Variants in KCNQ4 observed in about 807,000 individuals in gnomAD.
KCNQ4 encodes potassium voltage-gated channel subfamily Q member 4.
In KCNQ4, 31 loss-of-function variants were observed where a neutral mutation model predicts 72.6. That is an observed-to-expected ratio of 0.43 (90% confidence interval 0.32 to 0.58). KCNQ4 has a LOEUF of 0.58. Ranked by LOEUF, KCNQ4 falls within the 20% of genes least tolerant of loss-of-function variation. The pLI is 0.08. For synonymous variants in KCNQ4, 405 were observed against 403.7 expected, an observed-to-expected ratio of 1.00 and a Z score of -0.04; for missense variants, 869 against 962.6, an observed-to-expected ratio of 0.90 and a Z score of 1.29.
chr1:40,784,160 C>T lies in KCNQ4; in HGVS notation c.67C>T (p.Leu23=). The change falls in exon 1 of 14, where the codon CTA becomes TTA. Residue 23 remains leucine, a synonymous_variant. Transcript: ENST00000347132. This position sits in a 1 kb window ranked among gnomAD's most constrained non-coding sequence, Gnocchi z 4.1. ...GCCCGGGGACGCCCCCCGCGCGGAG[C>T]TAGTGGCGCTCACGGCCGTGCAGAG... ...PPPGDAPRAE[L]VALTAVQSEQ... The T allele has an allele frequency of 1.8e-6, 2 of 1,090,400 alleles. No individual in the cohort carries two copies. Among genetic ancestry groups the T allele is most frequent in the Non-Finnish European group, 2.3e-6 (2 of 888,216 alleles). The allele number at this position is 1,090,400 out of a possible 1,614,324, so 67.5% of individuals were successfully genotyped here. A position where few individuals can be genotyped will look rare whatever the true frequency, so the allele number is the denominator to read the frequency against.
chr1:40,834,585 A>G (rs1203869105), intron 11 of KCNQ4, among the ~76,000 whole-genome samples: 30 of 151,114 alleles, frequency 2.0e-4, no homozygotes, highest in African/African-American at 7.1e-4. Flanking sequence ...ATCTCTTTAA[A>G]AAATAAAAAT....
At chr1:40,797,535 T>A (rs985949264) in intron 1 of KCNQ4, among the ~76,000 whole-genome samples, 2 of 152,270 alleles carry the variant, frequency 1.3e-5, no homozygotes, top group East Asian at 3.9e-4. Context: ...GAGCTGCAGC[T>A]TCCTGAGAGG....
chr1:40,816,689 G>C (rs556681332), intron 1 of KCNQ4, among the ~76,000 whole-genome samples: 2 of 152,288 alleles, frequency 1.3e-5, no homozygotes, highest in South Asian at 2.1e-4. Context: ...TCCTCTCCCT[G>C]CTGCATCATT....
chr1:40,812,265 CT>C (rs887302229), intron 1 of KCNQ4, among the ~76,000 whole-genome samples: 1 of 152,066 alleles, frequency 6.6e-6, no homozygotes, highest in Non-Finnish European at 1.5e-5. Context: ...AGGATCTTTT[CT>C]TTTTTTGAGA....
intron 1 of KCNQ4, among the ~76,000 whole-genome samples, chr1:40,786,878 G>A (rs772440853): frequency 6.6e-6 from 1 of 152,064 alleles, no homozygotes; most frequent in African/African-American, 2.4e-5. Context: ...CCAGATGTGG[G>A]GTTTCTCAGT....
At chr1:40,818,132 G>A in intron 2 of KCNQ4, 32 bp from the exon 3 acceptor site, 1 of 1,613,792 alleles carries the variant, frequency 6.2e-7, no homozygotes, top group South Asian at 1.1e-5. Context: ...TCTGGAGACT[G>A]AGGACCAGAA....
chr1:40,819,759 C>T, intron 5 of KCNQ4, 116 bp from the exon 6 acceptor site: 1 of 900,168 alleles, frequency 1.1e-6, no homozygotes, highest in Non-Finnish European at 1.9e-6. Flanking sequence ...TAACCAGCCC[C>T]CGTGGGTGAC....
chr1:40,813,785 T>G (rs1647999369), intron 1 of KCNQ4, among the ~76,000 whole-genome samples: 1 of 152,114 alleles, frequency 6.6e-6, no homozygotes, highest in Non-Finnish European at 1.5e-5. Context: ...TCTCACTCTG[T>G]CGCCCAGGCT....
At chr1:40,787,634 A>G (rs1244490801) in intron 1 of KCNQ4, among the ~76,000 whole-genome samples, 1 of 152,134 alleles carries the variant, frequency 6.6e-6, no homozygotes, top group Non-Finnish European at 1.5e-5. Flanking sequence ...ATGAGGGGCC[A>G]CTGAGCCCCT....
chr1:40,826,670 G>A (rs1291999361), intron 9 of KCNQ4: 15 of 455,654 alleles, frequency 3.3e-5, no homozygotes, highest in South Asian at 1.2e-4. Flanking sequence ...AGTTTCTTTC[G>A]GATCCACGCC....
chr1:40,820,756 G>C (rs1486704978), intron 7 of KCNQ4, among the ~76,000 whole-genome samples: 1 of 152,250 alleles, frequency 6.6e-6, no homozygotes, highest in East Asian at 1.9e-4. Flanking sequence ...GCTGGGCAAG[G>C]AGACAGAAGG....
intron 1 of KCNQ4, among the ~76,000 whole-genome samples, chr1:40,800,424 G>A (rs1647539018): frequency 6.6e-6 from 1 of 152,176 alleles, no homozygotes; most frequent in Non-Finnish European, 1.5e-5. Flanking sequence ...TTATTTAAAA[G>A]TTTGTTAACC....
intron 1 of KCNQ4, among the ~76,000 whole-genome samples, chr1:40,795,095 T>A (rs1338012284): frequency 6.6e-6 from 1 of 152,052 alleles, no homozygotes; most frequent in Non-Finnish European, 1.5e-5. Flanking sequence ...GGCTGTGTGA[T>A]GCCAGGCAGG....
In KCNQ4 at chr1:40,784,245, C is replaced by A; in HGVS notation, c.152C>A (p.Pro51His). 3.7e-6 allele frequency: 5 copies of A among 1,367,334 alleles called. No homozygotes were observed. Among genetic ancestry groups the A allele is most frequent in the Non-Finnish European group, 4.7e-6 (5 of 1,067,884 alleles). 84.7% of individuals were successfully genotyped at this position (1,367,334 alleles called of 1,614,324 possible). A position where few individuals can be genotyped will look rare whatever the true frequency, so the allele number is the denominator to read the frequency against. ...CGCCGCCTCGGCCTCCTGGGCAGCC[C>A]CCTGCCGCCGGGCGCGCCCCTCCCT... is the stretch of plus-strand genomic sequence containing the variant. ...SPRRLGLLGS[P>H]LPPGAPLPGP... Residue 51 changes from proline to histidine, a missense_variant, in exon 1 of 14, where the codon CCC becomes CAC. Pro to His is a moderately conservative substitution (Grantham distance 77, BLOSUM62 -2). Coordinates refer to ENST00000347132, the MANE Select transcript of KCNQ4 (RefSeq NM_004700.4). The surrounding 1 kb of genome is among the most constrained non-coding windows in gnomAD (Gnocchi z 4.1).
In KCNQ4 at chr1:40,822,784, T is replaced by C. The variant is rs943864705; in HGVS notation, c.1130+382T>C. 3.2e-4 allele frequency among the ~76,000 whole-genome samples: 49 copies of C among 152,172 alleles called. 1 individual carries two copies. The highest frequency in any genetic ancestry group is 7.4e-5 in the Non-Finnish European group (5 of 68,006). On this transcript the variant is annotated intron_variant, in intron 8 of 13. Coordinates refer to ENST00000347132, the MANE Select transcript of KCNQ4 (RefSeq NM_004700.4). ...GGATATTGCAGCTGGTTGGAGAAAG[T>C]GTGGGATGGGCAGAAACATGTGTTC... is the stretch of plus-strand genomic sequence containing the variant.
At chr1:40,819,542 C>T in intron 5 of KCNQ4, 70 bp downstream of exon 5, 1 of 1,592,882 alleles carries the variant, frequency 6.3e-7, no homozygotes. Context: ...GAGGTCTGCC[C>T]ATCGTGACTC....
At chr1:40,796,416 G>A (rs2148299626) in intron 1 of KCNQ4, among the ~76,000 whole-genome samples, 1 of 152,264 alleles carries the variant, frequency 6.6e-6, no homozygotes, top group East Asian at 1.9e-4. Flanking sequence ...ACACTATGAG[G>A]TAGGTACTGT....
chr1:40,834,684 C>A (rs951617293), intron 11 of KCNQ4, among the ~76,000 whole-genome samples: 1 of 152,088 alleles, frequency 6.6e-6, no homozygotes, highest in Non-Finnish European at 1.5e-5. Flanking sequence ...CTCTTCAAAG[C>A]ACACCCCAGC....
chr1:40,834,831 C>T, intron 11 of KCNQ4, 136 bp from the exon 12 acceptor site: 1 of 1,166,294 alleles, frequency 8.6e-7, no homozygotes, highest in Admixed American at 1.9e-5. Flanking sequence ...CTGGGAGACG[C>T]AGCAGAGGCT....
Sources: allele counts gnomAD v4.1 joint callset (sites outside exome capture counted in the v4.1 genomes callset), GRCh38; gene constraint gnomAD v4.1.1; non-coding constraint Gnocchi (gnomAD v3.1); transcripts MANE v1.5; gene names NCBI Gene and HGNC (gene_info 2026-07-23, HGNC 2026-07-21).